The following SLC24A4 variants were observed in gnomAD, a reference collection of about 807,000 sequenced individuals.
SLC24A4 encodes sodium/potassium/calcium exchanger 4.
Under a neutral mutation model 79.0 loss-of-function variants are expected in SLC24A4, and 53 were observed. The ratio of observed to expected loss-of-function variants is 0.67; its 90% CI spans 0.54 to 0.84. SLC24A4 has a LOEUF of 0.84. SLC24A4 is among the 40% of genes least tolerant of loss of function. The pLI is 0.00. For synonymous variants in SLC24A4, 323 were observed against 323.8 expected (o/e 1.00, Z 0.03); for missense variants, 731 against 822.0 (o/e 0.89, Z 1.35).
intron 2 of SLC24A4, among the ~76,000 whole-genome samples, chr14:92,369,191 C>T (rs752738140): frequency 4.8e-4 from 73 of 152,260 alleles, no homozygotes; most frequent in Non-Finnish European, 8.5e-4. Context: ...GACAGGCAGA[C>T]GTCCCAGGAA....
At chr14:92,486,931 C>A (rs1433136687) in intron 14 of SLC24A4, 151 bp downstream of exon 14, 9 of 590,668 alleles carry the variant, frequency 1.5e-5, no homozygotes, top group Non-Finnish European at 2.4e-5. Context: ...TAGAAAGCAT[C>A]ATTTATTAGA....
chr14:92,449,548 T>C (rs1442950181), intron 10 of SLC24A4, among the ~76,000 whole-genome samples: 1 of 152,168 alleles, frequency 6.6e-6, no homozygotes, highest in Non-Finnish European at 1.5e-5. Context: ...AATGCAGTGG[T>C]ATCCCTGACC....
At chr14:92,492,135 G>GT in intron 15 of SLC24A4, 40 bp from the exon 16 acceptor site, 1 of 1,590,304 alleles carries the variant, frequency 6.3e-7, no homozygotes, top group Non-Finnish European at 8.6e-7. Flanking sequence ...TTGGCTCTGA[G>GT]CAGTCAAGAG....
intron 2 of SLC24A4, among the ~76,000 whole-genome samples, chr14:92,401,952 G>GT (rs1323556394): frequency 6.6e-6 from 1 of 152,162 alleles, no homozygotes; most frequent in East Asian, 1.9e-4. Context: ...ACCAATGTCA[G>GT]TAAGAGTAAA....
chr14:92,431,998 C>T (rs1327691338), intron 2 of SLC24A4, among the ~76,000 whole-genome samples: 1 of 152,162 alleles, frequency 6.6e-6, no homozygotes, highest in Non-Finnish European at 1.5e-5. Flanking sequence ...CCTCTCGGAG[C>T]CTCACCTGAA....
chr14:92,367,229 G>A (rs968843007), intron 2 of SLC24A4, among the ~76,000 whole-genome samples: 9 of 152,170 alleles, frequency 5.9e-5, no homozygotes, highest in African/African-American at 1.7e-4. Context: ...TGAGCTCTGC[G>A]CTGTTCGAGG....
At chr14:92,419,027 A>G (rs1891138950) in intron 2 of SLC24A4, among the ~76,000 whole-genome samples, 1 of 152,102 alleles carries the variant, frequency 6.6e-6, no homozygotes, top group Non-Finnish European at 1.5e-5. Flanking sequence ...TAGGCCTTCA[A>G]CTGATTGGGG....
chr14:92,461,821 A>T (rs890518923), intron 12 of SLC24A4, among the ~76,000 whole-genome samples: 1 of 152,184 alleles, frequency 6.6e-6, no homozygotes, highest in Non-Finnish European at 1.5e-5. Context: ...GCCTTGCCAC[A>T]GAACGAGGTA....
intron 2 of SLC24A4, among the ~76,000 whole-genome samples, chr14:92,347,880 C>T (rs1435232102): frequency 6.6e-6 from 1 of 152,160 alleles, no homozygotes; most frequent in Non-Finnish European, 1.5e-5. Context: ...GAGCCAAGAT[C>T]ATGCCACTGC....
At chr14:92,486,495 G>A (rs979495045) in intron 13 of SLC24A4, among the ~76,000 whole-genome samples, 171 bp from the exon 14 acceptor site, 3 of 152,134 alleles carry the variant, frequency 2.0e-5, no homozygotes, top group Non-Finnish European at 4.4e-5. Flanking sequence ...TCTTAGCCTC[G>A]TAGTTCAGTG....
At position 92,493,013 on chromosome 14, in the gene SLC24A4, CACACAG is replaced by C. The variant is rs1398637687; in HGVS notation, c.1717-461_1717-456del. On this transcript the variant is annotated intron_variant, in intron 16 of 16. Transcript: ENST00000532405. ...ACACACACACACACACACACACACACACACAGAGAAAGATTTGCCCAGCCAGGGGTC... is the reference window on the plus strand; with the variant it reads ...ACACACACACACACACACACACACACAGAAAGATTTGCCCAGCCAGGGGTC... 1.2e-3 allele frequency: 330 copies of C among 270,598 alleles called. 6 individuals carry two copies. The highest frequency in any genetic ancestry group is 5.4e-3 in the East Asian group (30 of 5,606). The allele number at this position is 270,598 out of a possible 1,614,324, so 16.8% of individuals were successfully genotyped here.
chr14:92,335,825 T>C (rs934531619), intron 2 of SLC24A4, among the ~76,000 whole-genome samples: 1 of 152,166 alleles, frequency 6.6e-6, no homozygotes, highest in African/African-American at 2.4e-5. Context: ...TATTAATAAG[T>C]GGGGTAGAAA....
At chr14:92,369,673 TCTTGACTTGGGCGCCA>T (rs1754455711) in intron 2 of SLC24A4, among the ~76,000 whole-genome samples, 1 of 152,240 alleles carries the variant, frequency 6.6e-6, no homozygotes, top group African/African-American at 2.4e-5. Flanking sequence ...AAGCACAGTT[TCTTGACTTGGGCGCCA>T]CTGACAGTTT....
Position 92,376,392 on chromosome 14 carries a change from G to T in SLC24A4, c.241+50414G>T, listed in dbSNP as rs1221256986. Among the ~76,000 whole-genome samples, 5 of 152,256 alleles carry T rather than the reference G, an allele frequency of 3.3e-5. No individual in the cohort carries two copies. In the East Asian group the frequency reaches 7.7e-4, roughly 23 times the overall value. On this transcript the variant is annotated intron_variant, in intron 2 of 16. Coordinates refer to ENST00000532405, the MANE Select transcript of SLC24A4 (RefSeq NM_153646.4). ...GCCTGGTGCCCCCTTGGTCACATGGGTGCAGGAGCTAATGGACAGGAATGT... is the reference window on the plus strand; with the variant it reads ...GCCTGGTGCCCCCTTGGTCACATGGTTGCAGGAGCTAATGGACAGGAATGT...
At chr14:92,377,864 C>G (rs921147485) in intron 2 of SLC24A4, among the ~76,000 whole-genome samples, 6 of 151,482 alleles carry the variant, frequency 4.0e-5, no homozygotes, top group African/African-American at 1.5e-4. Context: ...GACTGGTTTG[C>G]TGAATGAAGG....
chr14:92,483,350 G>A (rs182389032), intron 13 of SLC24A4, among the ~76,000 whole-genome samples: 87 of 152,228 alleles, frequency 5.7e-4, no homozygotes, highest in African/African-American at 2.0e-3. Context: ...CCATGGGATG[G>A]GTGCTATTAT....
chr14:92,367,323 A>C (rs1887905060), intron 2 of SLC24A4, among the ~76,000 whole-genome samples: 1 of 152,212 alleles, frequency 6.6e-6, no homozygotes, highest in Non-Finnish European at 1.5e-5. Context: ...ACTGTGTATT[A>C]ACTCACTTAA....
chr14:92,356,153 G>A (rs903148076), intron 2 of SLC24A4, among the ~76,000 whole-genome samples: 3 of 152,156 alleles, frequency 2.0e-5, no homozygotes, highest in African/African-American at 7.2e-5. Context: ...CAATCATAGG[G>A]TAGTGTAGGT....
chr14:92,474,884 C>G (rs28733049), intron 12 of SLC24A4, among the ~76,000 whole-genome samples: 8,673 of 96,470 alleles, frequency 0.09, 842 homozygotes, highest in East Asian at 0.26. Flanking sequence ...TTTTAGTAGA[C>G]ACAGGGTTTC....
Sources: allele counts gnomAD v4.1 joint callset (sites outside exome capture counted in the v4.1 genomes callset), GRCh38; gene constraint gnomAD v4.1.1; transcripts MANE v1.5; gene names NCBI Gene and HGNC (gene_info 2026-07-23, HGNC 2026-07-21).